PLEKHG7: variants seen among roughly 807,000 people sequenced by gnomAD.
The protein encoded by PLEKHG7 is pleckstrin homology and RhoGEF domain containing G7.
PLEKHG7 carries 77 observed loss-of-function variants against 85.2 expected under a neutral mutation model. The observed-to-expected ratio is 0.90, with a 90% CI of 0.75 to 1.09. The LOEUF is 1.09. Among genes scored for constraint, PLEKHG7 ranks in the 50% least tolerant of loss-of-function variants. The pLI is 0.00. For synonymous variants in PLEKHG7, 301 were observed against 302.4 expected, an observed-to-expected ratio of 1.00 and a Z score of 0.05; for missense variants, 777 against 804.3, an observed-to-expected ratio of 0.97 and a Z score of 0.41.
At chr12:92,718,442 C>T (rs998065115) in intron 3 of PLEKHG7, among the ~76,000 whole-genome samples, 1 of 152,180 alleles carries the variant, frequency 6.6e-6, no homozygotes. Flanking sequence ...GTGGGATTTT[C>T]ATCTGTTTTG....
chr12:92,714,124 T>G (rs115194150), intron 3 of PLEKHG7, among the ~76,000 whole-genome samples: 4,847 of 152,238 alleles, frequency 0.032, 277 homozygotes, highest in African/African-American at 0.11. Flanking sequence ...CAGTTACAGG[T>G]CTAGAGGCAA....
intron 11 of PLEKHG7, among the ~76,000 whole-genome samples, chr12:92,754,868 A>C (rs1006948238): frequency 6.6e-6 from 1 of 152,222 alleles, no homozygotes; most frequent in East Asian, 1.9e-4. Context: ...GGAACAATTC[A>C]AATTGGTGAT....
intron 3 of PLEKHG7, among the ~76,000 whole-genome samples, chr12:92,726,196 G>A (rs1191890236): frequency 2.0e-5 from 3 of 152,188 alleles, no homozygotes; most frequent in Non-Finnish European, 4.4e-5. Context: ...TGGCTGCAGA[G>A]CCTGGTAGGA....
Position 92,740,949 on chromosome 12 carries a change from G to A in PLEKHG7, c.1035+1G>A. 2 of 1,589,392 alleles carry A rather than the reference G, an allele frequency of 1.3e-6. No individual in the cohort carries two copies. On this transcript the variant is annotated splice_donor_variant, in intron 8 of 16. Transcript: ENST00000344636. LOFTEE classifies it high-confidence loss of function. ...TGCAAACCTGGAGGAGTTAACTCAGGTGAGCCAAGTAGGAAGATTCATGTT... is the reference window on the plus strand; with the variant it reads ...TGCAAACCTGGAGGAGTTAACTCAGATGAGCCAAGTAGGAAGATTCATGTT...
intron 5 of PLEKHG7, among the ~76,000 whole-genome samples, chr12:92,732,966 G>A (rs941231579): frequency 3.3e-5 from 5 of 152,084 alleles, no homozygotes; most frequent in Admixed American, 6.6e-5. Flanking sequence ...TACACACCAC[G>A]ACCAGCAGCA....
At chr12:92,747,886 G>T (rs10777447) in intron 10 of PLEKHG7, among the ~76,000 whole-genome samples, 1 of 151,886 alleles carries the variant, frequency 6.6e-6, no homozygotes, top group Non-Finnish European at 1.5e-5. Flanking sequence ...GTTACCAGAG[G>T]CTGGGAAGAG....
rs964321525 is a variant in PLEKHG7 at position 92,721,372 on chromosome 12, G to A, written c.531-7621G>A. On this transcript the variant is annotated intron_variant, in intron 3 of 16. Coordinates refer to ENST00000344636, the MANE Select transcript of PLEKHG7 (RefSeq NM_001377329.1). The stretch of plus-strand genomic sequence containing the variant: ...GGGAATTCCCGGGATGCTCTGAATT[G>A]TTGCTTTCTCAGCCCACACCATGGA... 6.8e-6 allele frequency: 7 copies of A among 1,023,828 alleles called. No homozygotes were observed. The African/African-American group carries it at 1.2e-4, about 17-fold the overall frequency. The allele number at this position is 1,023,828 out of a possible 1,614,324, so 63.4% of individuals were successfully genotyped here.
At chr12:92,753,215 C>A (rs1872738852) in intron 10 of PLEKHG7, among the ~76,000 whole-genome samples, 1 of 152,112 alleles carries the variant, frequency 6.6e-6, no homozygotes, top group South Asian at 2.1e-4. Flanking sequence ...GAAGAGAACA[C>A]ACACACCCCT....
chr12:92,717,778 T>G (rs76989989), intron 3 of PLEKHG7, among the ~76,000 whole-genome samples: 4,374 of 152,318 alleles, frequency 0.029, 142 homozygotes, highest in African/African-American at 0.081. Flanking sequence ...TTGTGTAAGT[T>G]CACTCTGTGA....
At position 92,754,141 on chromosome 12, in the gene PLEKHG7, G is replaced by A. The variant is rs1380202860; in HGVS notation, c.1303G>A (p.Val435Met). The change falls in exon 11 of 17, where the codon GTG becomes ATG. Residue 435 changes from valine to methionine, a missense_variant. Transcript: ENST00000344636. ...ACGGCTCCACGTGCCAGAGCTGCTA[G>A]TGGCCCCACTACAGAGGCTCACTCG... ...CRRLHVPELL[V>M]APLQRLTRYP... The A allele has an allele frequency of 5.0e-6, 8 of 1,613,898 alleles. No homozygotes were observed. Among genetic ancestry groups the A allele is most frequent in the Admixed American group, 1.7e-5 (1 of 60,016 alleles).
At chr12:92,727,547 A>G (rs1432542471) in intron 3 of PLEKHG7, among the ~76,000 whole-genome samples, 1 of 152,096 alleles carries the variant, frequency 6.6e-6, no homozygotes, top group Non-Finnish European at 1.5e-5. Context: ...TACTTAGGAT[A>G]ATGGCCTCCA....
intron 3 of PLEKHG7, among the ~76,000 whole-genome samples, chr12:92,721,702 C>CAAA (rs71069170): frequency 2.8e-4 from 12 of 43,370 alleles, no homozygotes; most frequent in African/African-American, 3.9e-4. Context: ...AGCATAAAAC[C>CAAA]AAAAAAAAAA....
chr12:92,707,199 A>C (rs975595452), intron 2 of PLEKHG7, 61 bp downstream of exon 2: 8 of 1,536,886 alleles, frequency 5.2e-6, no homozygotes, highest in Non-Finnish European at 7.0e-6. Context: ...AATAGATCTC[A>C]GAGTTGCTTA....
In PLEKHG7 at chr12:92,737,481, A is replaced by C. The variant is rs533392415; in HGVS notation, c.899A>C (p.Glu300Ala). The change falls in exon 7 of 17, where the codon GAA becomes GCA. Residue 300 changes from glutamate to alanine, a missense_variant. By Grantham distance (107) the Glu-to-Ala change is moderately radical. Coordinates refer to ENST00000344636, the MANE Select transcript of PLEKHG7 (RefSeq NM_001377329.1). ...QEAVWELFTSECTYFLDHLLV... is the reference protein window; with the variant it reads ...QEAVWELFTSACTYFLDHLLV... Reference sequence around the variant, plus strand: ...GCCGTGTGGGAACTTTTCACAAGTGAATGCACCTATTTTTTGGACCATTTA... The same window carrying C: ...GCCGTGTGGGAACTTTTCACAAGTGCATGCACCTATTTTTTGGACCATTTA... The C allele has an allele frequency of 5.0e-6, 8 of 1,603,206 alleles. No individual in the cohort carries two copies. The South Asian group carries it at 6.8e-5, about 14-fold the overall frequency.
intron 3 of PLEKHG7, among the ~76,000 whole-genome samples, chr12:92,714,243 C>T (rs1339136279): frequency 6.6e-6 from 1 of 152,170 alleles, no homozygotes; most frequent in Non-Finnish European, 1.5e-5. Context: ...TTTATCTCCC[C>T]AGACAAAGGT....
chr12:92,754,093 T>A lies in PLEKHG7; in HGVS notation c.1255T>A (p.Cys419Ser). Reference protein sequence around the residue: ...RDDFGIYLKWCEQNEQCRRLH... With the variant: ...RDDFGIYLKWSEQNEQCRRLH... ...TGGCTGCTTTTGCCTTCCCCAGTGG[T>A]GTGAGCAGAATGAACAATGCAGACG... The change falls in exon 11 of 17, where the codon TGT becomes AGT. Residue 419 changes from cysteine (C) to serine (S), a missense_variant. By Grantham distance (112) the Cys-to-Ser change is moderately radical (BLOSUM62 -1). Transcript: ENST00000344636. 6.2e-7 allele frequency: 1 copy of A among 1,613,040 alleles called. No homozygotes were observed. Among genetic ancestry groups the A allele is most frequent in the Non-Finnish European group, 8.5e-7 (1 of 1,179,352 alleles).
Position 92,706,572 on chromosome 12 carries a change from G to A in PLEKHG7, c.-60G>A, listed in dbSNP as rs903830222. 40 of 1,519,558 alleles carry A rather than the reference G, an allele frequency of 2.6e-5. 1 individual carries two copies. The South Asian group carries it at 5.1e-4, about 19-fold the overall frequency. The allele number at this position is 1,519,558 out of a possible 1,614,324, so 94.1% of individuals were successfully genotyped here. ...AATTGAGCACCCTCCATGTGATCCAGAGAACAGCAACTCATACGTCTTCTG... is the reference window on the plus strand; with the variant it reads ...AATTGAGCACCCTCCATGTGATCCAAAGAACAGCAACTCATACGTCTTCTG... On this transcript the variant is annotated 5_prime_UTR_variant, in exon 2 of 17. Coordinates refer to ENST00000344636, the MANE Select transcript of PLEKHG7 (RefSeq NM_001377329.1).
intron 9 of PLEKHG7, among the ~76,000 whole-genome samples, chr12:92,742,149 G>A (rs1407193705): frequency 6.6e-6 from 1 of 152,100 alleles, no homozygotes; most frequent in African/African-American, 2.4e-5. Context: ...AGCAAGATTT[G>A]AATTTTTACA....
At chr12:92,742,038 G>A (rs1183425444) in intron 9 of PLEKHG7, among the ~76,000 whole-genome samples, 1 of 151,980 alleles carries the variant, frequency 6.6e-6, no homozygotes, top group Non-Finnish European at 1.5e-5. Flanking sequence ...CTGTACCCCG[G>A]GTTTGATCAA....
Sources: gnomAD v4.1 joint callset for allele counts (sites outside exome capture counted in the v4.1 genomes callset) on GRCh38, gnomAD v4.1.1 for gene constraint, MANE v1.5 for transcripts, NCBI Gene and HGNC (gene_info 2026-07-23, HGNC 2026-07-21) for gene names.